The following ROBO1 variants were observed in gnomAD, a reference collection of about 807,000 sequenced individuals.
The protein encoded by ROBO1 is roundabout homolog 1.
A neutral mutation model predicts 195.9 loss-of-function variants in ROBO1; 149 were observed. That is an observed-to-expected ratio of 0.76 (90% CI 0.67 to 0.87). The LOEUF is 0.87. Ranked by LOEUF, ROBO1 falls within the 40% of genes least tolerant of loss-of-function variation. The probability of loss-of-function intolerance (pLI) is 0.00; values close to 1 mark genes in which losing one functional copy is unlikely to be tolerated. For missense variants in ROBO1, 1,933 were observed against 2,068.3 expected (o/e 0.93, Z 1.27); for synonymous variants, 816 against 733.2 (o/e 1.11, Z -1.82).
At chr3:79,127,990 TA>T (rs931439571) in intron 2 of ROBO1, among the ~76,000 whole-genome samples, 16 of 152,210 alleles carry the variant, frequency 1.1e-4, no homozygotes, top group Admixed American at 7.2e-4. Context: ...GCTGCTTTGC[TA>T]ATTTTTTTCT....
At chr3:78,606,450 T>C (rs2107285398) in intron 29 of ROBO1, among the ~76,000 whole-genome samples, 1 of 152,346 alleles carries the variant, frequency 6.6e-6, no homozygotes. Context: ...TGTTCTTTTC[T>C]CAACCTATTT....
chr3:79,753,081 A>G (rs1444233614), intron 1 of ROBO1, among the ~76,000 whole-genome samples: 1 of 152,194 alleles, frequency 6.6e-6, no homozygotes. Context: ...AATATTTTGT[A>G]AAATGAAAAT....
rs148655737 is a variant in ROBO1 at position 78,837,236 on chromosome 3, G to A, written c.500-90336C>T. Among the ~76,000 whole-genome samples, 293 of 152,112 alleles carry A rather than the reference G, an allele frequency of 1.9e-3. 1 individual carries two copies. The highest frequency in any genetic ancestry group is 6.5e-3 in the African/African-American group (271 of 41,490). ...AATGTTGGATATAACCATTCCTAAC[G>A]TAAGCACAAAATTTAAATAAAGAAA... is the stretch of plus-strand genomic sequence containing the variant. On this transcript the variant is annotated intron_variant, in intron 4 of 30. Coordinates refer to ENST00000464233, the MANE Select transcript of ROBO1 (RefSeq NM_002941.4).
intron 2 of ROBO1, among the ~76,000 whole-genome samples, chr3:79,416,973 TAACA>T (rs1575797423): frequency 6.6e-6 from 1 of 152,138 alleles, no homozygotes; most frequent in Admixed American, 6.6e-5. Context: ...AAAGTAACAA[TAACA>T]AACAAACTCT....
chr3:78,850,395 A>G (rs1459987468), intron 4 of ROBO1, among the ~76,000 whole-genome samples: 1 of 152,220 alleles, frequency 6.6e-6, no homozygotes. Flanking sequence ...TATTAACTTT[A>G]AAACCAGATA....
chr3:79,024,631 C>T (rs1456068932), intron 3 of ROBO1, among the ~76,000 whole-genome samples: 2 of 152,138 alleles, frequency 1.3e-5, no homozygotes, highest in African/African-American at 4.8e-5. Flanking sequence ...TTCCCCAAAG[C>T]TTTTAATATG....
chr3:79,341,218 AGT>A (rs2034893953), intron 2 of ROBO1, among the ~76,000 whole-genome samples: 1 of 152,170 alleles, frequency 6.6e-6, no homozygotes, highest in African/African-American at 2.4e-5. Flanking sequence ...TTTCTGGTAG[AGT>A]GTTTTTGCTT....
chr3:79,118,181 C>A (rs2080043899), intron 3 of ROBO1, among the ~76,000 whole-genome samples: 4 of 151,542 alleles, frequency 2.6e-5, no homozygotes, highest in Non-Finnish European at 5.9e-5. Context: ...CCGCAGTCAA[C>A]CTGAAGAATA....
At position 79,187,030 on chromosome 3, in the gene ROBO1, G is replaced by A. The variant is rs147437783; in HGVS notation, c.89-61491C>T. On this transcript the variant is annotated intron_variant, in intron 2 of 30. Coordinates refer to ENST00000464233, the MANE Select transcript of ROBO1 (RefSeq NM_002941.4). ...AGCCTTCTGATGTGAGTGGGAAGAT[G>A]GATAATTCACATCAGCATTCTGCTA... Among the ~76,000 whole-genome samples the A allele has an allele frequency of 1.8e-3, 278 of 152,122 alleles. 1 individual carries two copies. The highest frequency in any genetic ancestry group is 6.4e-3 in the African/African-American group (267 of 41,530).
intron 2 of ROBO1, among the ~76,000 whole-genome samples, chr3:79,180,741 A>G (rs1471142898): frequency 6.6e-6 from 1 of 152,194 alleles, no homozygotes; most frequent in African/African-American, 2.4e-5. Flanking sequence ...GAAAAAAGTC[A>G]GTGTTATGAT....
Position 78,631,218 on chromosome 3 carries a change from G to A in ROBO1, c.3569C>T (p.Pro1190Leu), listed in dbSNP as rs747832151. The A allele has an allele frequency of 2.2e-5, 36 of 1,613,106 alleles. No individual in the cohort carries two copies. Among genetic ancestry groups the A allele is most frequent in the Non-Finnish European group, 3.0e-5 (35 of 1,179,570 alleles). Residue 1190 changes from proline to leucine, a missense_variant, in exon 25 of 31, where the codon CCA becomes CTA. Transcript: ENST00000464233. Reference sequence around the variant, plus strand: ...ATTGCTGTGTGGAGGAGGATGTGCTGGGGGAGGAGGAAGCAGGTCTGCCCA... The same window carrying A: ...ATTGCTGTGTGGAGGAGGATGTGCTAGGGGAGGAGGAAGCAGGTCTGCCCA... ...MNWADLLPPP[P>L]AHPPPHSNSE...
chr3:78,757,176 G>A (rs2082955486), intron 4 of ROBO1, among the ~76,000 whole-genome samples: 1 of 152,196 alleles, frequency 6.6e-6, no homozygotes, highest in Admixed American at 6.5e-5. Context: ...AAAGGTGTGA[G>A]CCACTGCGTG....
chr3:78,976,422 C>A (rs80000050), intron 3 of ROBO1, among the ~76,000 whole-genome samples: 3,744 of 152,238 alleles, frequency 0.025, 151 homozygotes, highest in African/African-American at 0.085. Flanking sequence ...TGAGTCTTTG[C>A]GCTTATCAGG....
chr3:78,956,597 T>A (rs1385528756), intron 3 of ROBO1, among the ~76,000 whole-genome samples: 1 of 152,172 alleles, frequency 6.6e-6, no homozygotes. Flanking sequence ...ATTTGTTGAA[T>A]GAATAATCAA....
intron 2 of ROBO1, among the ~76,000 whole-genome samples, chr3:79,199,245 TTA>T (rs1284248252): frequency 6.6e-6 from 1 of 151,864 alleles, no homozygotes; most frequent in African/African-American, 2.4e-5. Flanking sequence ...CTGGTTAGAT[TTA>T]AAGCATTGAG....
At chr3:78,725,829 T>G (rs768103084) in intron 5 of ROBO1, among the ~76,000 whole-genome samples, 4 of 152,158 alleles carry the variant, frequency 2.6e-5, no homozygotes, top group Non-Finnish European at 5.9e-5. Context: ...CTGAAATCAG[T>G]GCTCACAATC....
intron 26 of ROBO1, among the ~76,000 whole-genome samples, chr3:78,624,535 G>T (rs991201289): frequency 4.6e-5 from 7 of 152,024 alleles, no homozygotes; most frequent in African/African-American, 1.7e-4. Flanking sequence ...ACATATATCT[G>T]CCTCAAGTTC....
rs116651527 is a variant in ROBO1, at chr3:79,387,115, G to T, written c.88+202709C>A. Among the ~76,000 whole-genome samples the T allele has an allele frequency of 8.2e-3, 1,246 of 152,114 alleles. 22 individuals are homozygous for T. The highest frequency in any genetic ancestry group is 0.029 in the African/African-American group (1,187 of 41,492). ...ACTTTTTGAACTATTATAGTTTAGA[G>T]GCATCCAGGGAAGAGAACTTGGGAT... On this transcript the variant is annotated intron_variant, in intron 2 of 30. Coordinates refer to ENST00000464233, the MANE Select transcript of ROBO1 (RefSeq NM_002941.4).
intron 4 of ROBO1, among the ~76,000 whole-genome samples, chr3:78,850,527 C>T (rs1168477214): frequency 6.6e-6 from 1 of 152,094 alleles, no homozygotes; most frequent in Non-Finnish European, 1.5e-5. Context: ...TAATAAATGT[C>T]ATAGGTAGAA....
Sources: gnomAD v4.1 joint callset for allele counts (sites outside exome capture counted in the v4.1 genomes callset) on GRCh38, gnomAD v4.1.1 for gene constraint, MANE v1.5 for transcripts, NCBI Gene and HGNC (gene_info 2026-07-23, HGNC 2026-07-21) for gene names.